The following RFX8 variants were observed in gnomAD, a reference collection of about 807,000 sequenced individuals.
The protein encoded by RFX8 is DNA-binding protein RFX8.
RFX8 carries 46 observed loss-of-function variants against 54.6 expected under a neutral mutation model. That is an observed-to-expected ratio of 0.84 (90% confidence interval 0.67 to 1.08). RFX8 has a LOEUF of 1.08. Ranked by LOEUF, RFX8 falls within the 50% of genes least tolerant of loss-of-function variation. The pLI, the probability that RFX8 is intolerant of heterozygous loss-of-function variation, is 0.00. For missense variants in RFX8, 536 were observed against 562.3 expected, an observed-to-expected ratio of 0.95 and a Z score of 0.47; for synonymous variants, 192 against 209.5, an observed-to-expected ratio of 0.92 and a Z score of 0.72.
intron 7 of RFX8, among the ~76,000 whole-genome samples, chr2:101,413,470 G>T (rs1299788692): frequency 6.6e-6 from 1 of 152,144 alleles, no homozygotes; most frequent in Non-Finnish European, 1.5e-5. Context: ...TCCCTTCCTC[G>T]TGGGAGCCTT....
chr2:101,437,023 G>A (rs1284916314), intron 2 of RFX8, among the ~76,000 whole-genome samples: 4 of 152,206 alleles, frequency 2.6e-5, no homozygotes, highest in Non-Finnish European at 5.9e-5. Context: ...GGGCAGGAAA[G>A]GGCTGTGGGA....
At chr2:101,401,098 C>T (rs1233136694) in intron 11 of RFX8, among the ~76,000 whole-genome samples, 4 of 152,276 alleles carry the variant, frequency 2.6e-5, no homozygotes, top group East Asian at 1.9e-4. Flanking sequence ...CATGGACACT[C>T]GTGGAGGAGG....
intron 8 of RFX8, 135 bp downstream of exon 8, chr2:101,412,780 T>C: frequency 1.1e-6 from 1 of 897,370 alleles, no homozygotes; most frequent in Non-Finnish European, 1.7e-6. Context: ...GGAAGAGAAG[T>C]GTGAGCAGAC....
At chr2:101,439,865 C>T (rs1319631289) in intron 2 of RFX8, among the ~76,000 whole-genome samples, 12 of 152,078 alleles carry the variant, frequency 7.9e-5, no homozygotes, top group Non-Finnish European at 1.8e-4. Context: ...TGTGAGCCAC[C>T]GCGCATAGCC....
intron 6 of RFX8, among the ~76,000 whole-genome samples, chr2:101,417,313 TC>T (rs750091870): frequency 8.5e-5 from 13 of 152,154 alleles, no homozygotes; most frequent in Admixed American, 2.0e-4. Flanking sequence ...CAAGTGATCT[TC>T]CCGCCTCAGC....
At chr2:101,408,251 T>C (rs1008492699) in intron 9 of RFX8, among the ~76,000 whole-genome samples, 1 of 151,990 alleles carries the variant, frequency 6.6e-6, no homozygotes, top group Non-Finnish European at 1.5e-5. Flanking sequence ...TTTGGGAGGC[T>C]GAGGCGGGCG....
In RFX8 at chr2:101,402,522, T is replaced by C. The variant is rs1330129576; in HGVS notation, c.1159A>G (p.Met387Val). 3 of 1,551,674 alleles carry C rather than the reference T, an allele frequency of 1.9e-6. No individual in the cohort carries two copies. The highest frequency in any genetic ancestry group is 2.7e-5 in the African/African-American group (2 of 73,060). The change falls in exon 11 of 12, where the codon ATG becomes GTG. Residue 387 changes from methionine to valine, a missense_variant. Transcript: ENST00000428343. Reference protein sequence around the residue: ...MEPLGVMPTHMGQGRYPVGVS... With the variant: ...MEPLGVMPTHVGQGRYPVGVS... ...CCCACGGGATATCGGCCCTGGCCCA[T>C]GTGTGTGGGCATCACCCCCAGTGGC...
At chr2:101,401,807 G>A (rs1466412169) in intron 11 of RFX8, among the ~76,000 whole-genome samples, 4 of 152,134 alleles carry the variant, frequency 2.6e-5, no homozygotes, top group Non-Finnish European at 5.9e-5. Context: ...GATCAGGCAG[G>A]CTGGGGCTCC....
At chr2:101,451,186 T>A (rs1218295239) in intron 2 of RFX8, among the ~76,000 whole-genome samples, 3 of 152,134 alleles carry the variant, frequency 2.0e-5, no homozygotes, top group Non-Finnish European at 4.4e-5. Context: ...TTTTTTCTAG[T>A]TAATTATTGC....
chr2:101,414,183 T>G (rs1686342230), intron 7 of RFX8, among the ~76,000 whole-genome samples: 1 of 152,246 alleles, frequency 6.6e-6, no homozygotes, highest in Non-Finnish European at 1.5e-5. Flanking sequence ...TGTGTCTGTC[T>G]GTCTGTCATA....
chr2:101,401,485 C>A (rs1298107782), intron 11 of RFX8, among the ~76,000 whole-genome samples: 1 of 152,158 alleles, frequency 6.6e-6, no homozygotes, highest in Non-Finnish European at 1.5e-5. Flanking sequence ...AATGATCGCA[C>A]CTGCCTCAAT....
chr2:101,431,050 CT>C (rs758445003), intron 2 of RFX8, among the ~76,000 whole-genome samples: 2 of 152,200 alleles, frequency 1.3e-5, no homozygotes, highest in Non-Finnish European at 2.9e-5. Flanking sequence ...AATATGTTTT[CT>C]TTGGAAAATG....
rs908141891 is a variant in RFX8, at chr2:101,409,603, G to A, written c.813+1016C>T. 1.2e-4 allele frequency among the ~76,000 whole-genome samples: 19 copies of A among 152,176 alleles called. 1 individual carries two copies. The highest frequency in any genetic ancestry group is 1.1e-3 in the Admixed American group (17 of 15,288). Reference sequence around the variant, plus strand: ...CAACCTCCGCCTGCTGGGTTCAAGCGATTCTCCTGCCTCAACCTCCCGAGT... The same window carrying A: ...CAACCTCCGCCTGCTGGGTTCAAGCAATTCTCCTGCCTCAACCTCCCGAGT... On this transcript the variant is annotated intron_variant, in intron 9 of 11. Coordinates refer to ENST00000428343, the MANE Select transcript of RFX8 (RefSeq NM_001145664.2).
intron 2 of RFX8, among the ~76,000 whole-genome samples, chr2:101,463,454 G>A (rs868440476): frequency 3.9e-5 from 6 of 152,146 alleles, no homozygotes; most frequent in Admixed American, 1.3e-4. Context: ...GGGTTCAGCC[G>A]GCTCATCCAC....
intron 2 of RFX8, among the ~76,000 whole-genome samples, chr2:101,437,017 A>C (rs1053532927): frequency 6.6e-6 from 1 of 152,244 alleles, no homozygotes. Flanking sequence ...AGAAATGGGC[A>C]GGAAAGGGCT....
chr2:101,460,473 G>A (rs1689206692), intron 2 of RFX8, among the ~76,000 whole-genome samples: 1 of 152,096 alleles, frequency 6.6e-6, no homozygotes, highest in Non-Finnish European at 1.5e-5. Context: ...TTGTTTATCA[G>A]CACTTTGTTA....
chr2:101,423,751 C>T (rs1334707246), intron 2 of RFX8, among the ~76,000 whole-genome samples: 1 of 152,170 alleles, frequency 6.6e-6, no homozygotes, highest in East Asian at 1.9e-4. Context: ...CTTCTCTAAC[C>T]ACCTGTGCCC....
intron 2 of RFX8, chr2:101,450,781 C>T (rs1688631552): frequency 3.1e-6 from 2 of 652,284 alleles, no homozygotes; most frequent in African/African-American, 3.6e-5. Flanking sequence ...AGTTCTTCTC[C>T]AGGTTTTAGC....
chr2:101,402,435 C>A lies in RFX8; in HGVS notation c.1245+1G>T, dbSNP rs1174722371. The stretch of plus-strand genomic sequence containing the variant: ...GTGGAAGGGGGTCCTGGTGTCCCTA[C>A]CTTATTGCCCATGGCAGTGTCCACC... On this transcript the variant is annotated splice_donor_variant, in intron 11 of 11. Transcript: ENST00000428343. LOFTEE classifies it high-confidence loss of function. The A allele has an allele frequency of 1.6e-5, 25 of 1,543,784 alleles. 1 individual carries two copies. Among genetic ancestry groups the A allele is most frequent in the Non-Finnish European group, 2.2e-5 (25 of 1,140,750 alleles).
Sources: allele counts gnomAD v4.1 joint callset (sites outside exome capture counted in the v4.1 genomes callset), GRCh38; gene constraint gnomAD v4.1.1; transcripts MANE v1.5; gene names NCBI Gene and HGNC (gene_info 2026-07-23, HGNC 2026-07-21).